The following PAX5 variants were observed in gnomAD, a reference collection of about 807,000 sequenced individuals.
PAX5 encodes the protein paired box 5.
A neutral mutation model predicts 43.7 loss-of-function variants in PAX5; 9 were observed. The ratio of observed to expected loss-of-function variants is 0.21; its 90% confidence interval spans 0.12 to 0.36. The LOEUF is 0.36. Ranked by LOEUF, PAX5 falls within the 10% of genes least tolerant of loss-of-function variation. The probability of loss-of-function intolerance (pLI) is 1.00; values close to 1 mark genes in which losing one functional copy is unlikely to be tolerated. For synonymous variants in PAX5, 228 were observed against 214.3 expected (o/e 1.06, Z -0.56); for missense variants, 383 against 532.7 (o/e 0.72, Z 2.77).
chr9:36,940,492 T>C (rs535907608), intron 6 of PAX5, among the ~76,000 whole-genome samples: 16 of 152,220 alleles, frequency 1.1e-4, no homozygotes, highest in East Asian at 9.7e-4. Flanking sequence ...TGTGGCGCAG[T>C]GAGGCGCGGT....
intron 8 of PAX5, among the ~76,000 whole-genome samples, chr9:36,879,968 C>T (rs1826258372): frequency 6.6e-6 from 1 of 152,382 alleles, no homozygotes; most frequent in Admixed American, 6.5e-5. Flanking sequence ...GCAGGCCTCC[C>T]TGGCATTGGC....
intron 7 of PAX5, among the ~76,000 whole-genome samples, chr9:36,908,769 G>A (rs947948293): frequency 2.0e-5 from 3 of 152,170 alleles, no homozygotes; most frequent in Admixed American, 2.0e-4. Flanking sequence ...CTTTGGAAGG[G>A]TCGGCTCCCA....
chr9:36,889,949 G>A (rs949383353), intron 7 of PAX5, among the ~76,000 whole-genome samples: 6 of 142,408 alleles, frequency 4.2e-5, no homozygotes, highest in South Asian at 2.4e-4. Context: ...AACGGGGGGG[G>A]GGGGAATGTG....
intron 8 of PAX5, among the ~76,000 whole-genome samples, chr9:36,849,753 C>T (rs1453952508): frequency 1.3e-5 from 2 of 152,216 alleles, no homozygotes; most frequent in Non-Finnish European, 2.9e-5. Flanking sequence ...GCCTGGTGTG[C>T]TAAGAGTGGT....
At chr9:36,909,151 G>T (rs1829050349) in intron 7 of PAX5, among the ~76,000 whole-genome samples, 1 of 152,122 alleles carries the variant, frequency 6.6e-6, no homozygotes, top group South Asian at 2.1e-4. Context: ...CTATAATTGT[G>T]AGTCTATTTA....
chr9:36,889,383 G>C (rs1362838767), intron 7 of PAX5, among the ~76,000 whole-genome samples: 2 of 152,070 alleles, frequency 1.3e-5, no homozygotes, highest in African/African-American at 4.8e-5. Flanking sequence ...CTGTATGCCA[G>C]ACAAGGCTCT....
chr9:37,002,208 CCCCTCCG>C (rs1482728165), intron 5 of PAX5, among the ~76,000 whole-genome samples: 1 of 152,216 alleles, frequency 6.6e-6, no homozygotes, highest in Non-Finnish European at 1.5e-5. Context: ...AGAGAACCCA[CCCCTCCG>C]CCCTCCGCAC....
intron 6 of PAX5, among the ~76,000 whole-genome samples, chr9:36,964,592 CACAAA>C (rs746714879): frequency 3.3e-5 from 3 of 91,648 alleles, no homozygotes; most frequent in African/African-American, 5.0e-5. Context: ...AACTCCAGCT[CACAAA>C]AAAAAAAAAA....
rs182209605 is a variant in PAX5 at position 36,959,224 on chromosome 9, G to A, written c.780+7325C>T. 2.2e-3 allele frequency among the ~76,000 whole-genome samples: 328 copies of A among 152,224 alleles called. 2 individuals are homozygous for A. Among genetic ancestry groups the A allele is most frequent in the African/African-American group, 7.5e-3 (310 of 41,534 alleles). On this transcript the variant is annotated intron_variant, in intron 6 of 9. Transcript: ENST00000358127. ...TCTTATCTTAGAATCATTCTTTCAG[G>A]TTGGAAAGGCATTGGCATTTAGATA...
rs1410450591 is a variant in PAX5 at position 36,972,856 on chromosome 9, C to T, written c.605-6132G>A. On this transcript the variant is annotated intron_variant, in intron 5 of 9. Coordinates refer to ENST00000358127, the MANE Select transcript of PAX5 (RefSeq NM_016734.3). ...CAGCCTGGCCAACATGGTGAAACCCCGTCTCTACTAAAAATAGAAAAATTA... is the reference window on the plus strand; with the variant it reads ...CAGCCTGGCCAACATGGTGAAACCCTGTCTCTACTAAAAATAGAAAAATTA... Among the ~76,000 whole-genome samples the T allele has an allele frequency of 9.2e-5, 14 of 151,758 alleles. 1 individual carries two copies. Among genetic ancestry groups the T allele is most frequent in the Admixed American group, 7.9e-4 (12 of 15,216 alleles).
intron 5 of PAX5, among the ~76,000 whole-genome samples, chr9:36,971,289 G>A (rs1348432354): frequency 2.6e-5 from 4 of 152,214 alleles, no homozygotes; most frequent in African/African-American, 4.8e-5. Context: ...CTCTGGTGTC[G>A]CACACAGTGG....
Position 36,840,305 on chromosome 9 carries a change from TG to T in PAX5, c.*254del. 3.4e-6 allele frequency: 2 copies of T among 592,966 alleles called. No homozygotes were observed. Among genetic ancestry groups the T allele is most frequent in the Non-Finnish European group, 6.0e-6 (2 of 333,064 alleles). The allele number at this position is 592,966 out of a possible 1,614,324, so 36.7% of individuals were successfully genotyped here. A position where few individuals can be genotyped will look rare whatever the true frequency, so the allele number is the denominator to read the frequency against. ...TGCGGTTATTTGCAGGACAGTCTAT[TG>T]GTTTGCAGAGACCCAGTGGCCATCG... On this transcript the variant is annotated 3_prime_UTR_variant, in exon 10 of 10. Coordinates refer to ENST00000358127, the MANE Select transcript of PAX5 (RefSeq NM_016734.3).
In PAX5 at chr9:36,838,196, G is replaced by A; in HGVS notation, c.*2364C>T. 1 of 233,418 alleles carries A rather than the reference G, an allele frequency of 4.3e-6. No individual in the cohort carries two copies. The highest frequency in any genetic ancestry group is 6.0e-5 in the East Asian group (1 of 16,570). The allele number at this position is 233,418 out of a possible 1,614,324, so 14.5% of individuals were successfully genotyped here. On this transcript the variant is annotated 3_prime_UTR_variant, in exon 10 of 10. Coordinates refer to ENST00000358127, the MANE Select transcript of PAX5 (RefSeq NM_016734.3). ...GCCCCGCAGGTTCTGGGTGGGGGCGGGGGTGCATGTGCCTGCTGTGAGCTC... is the reference window on the plus strand; with the variant it reads ...GCCCCGCAGGTTCTGGGTGGGGGCGAGGGTGCATGTGCCTGCTGTGAGCTC...
At chr9:36,877,075 G>A (rs1825977884) in intron 8 of PAX5, among the ~76,000 whole-genome samples, 1 of 152,230 alleles carries the variant, frequency 6.6e-6, no homozygotes, top group South Asian at 2.1e-4. Flanking sequence ...AGTGGCTCAT[G>A]CCTGTAATCC....
At chr9:36,853,961 A>G (rs577105862) in intron 8 of PAX5, among the ~76,000 whole-genome samples, 1 of 152,348 alleles carries the variant, frequency 6.6e-6, no homozygotes, top group South Asian at 2.1e-4. Flanking sequence ...TGCAGAGCGC[A>G]CTGGGGGCCG....
chr9:36,983,252 T>C (rs576854493), intron 5 of PAX5, among the ~76,000 whole-genome samples: 2 of 152,330 alleles, frequency 1.3e-5, no homozygotes, highest in Non-Finnish European at 2.9e-5. Context: ...TATCAGGACA[T>C]GTTCATAATT....
chr9:37,019,208 T>C (rs886565700), intron 2 of PAX5, among the ~76,000 whole-genome samples: 1 of 152,204 alleles, frequency 6.6e-6, no homozygotes, highest in African/African-American at 2.4e-5. Flanking sequence ...CTTTTCTCTT[T>C]GTCTTCTTTT....
At chr9:36,930,745 T>C (rs1445915064) in intron 6 of PAX5, 2 of 801,154 alleles carry the variant, frequency 2.5e-6, no homozygotes, top group Non-Finnish European at 3.5e-6. Flanking sequence ...TCGACGATCA[T>C]GAGAATCTGA....
intron 8 of PAX5, among the ~76,000 whole-genome samples, chr9:36,880,100 A>G (rs540651349): frequency 7.2e-5 from 11 of 152,388 alleles, no homozygotes; most frequent in Middle Eastern, 3.4e-3. Flanking sequence ...TGTTAAATAC[A>G]TCTTCGAAAC....
Sources: allele counts gnomAD v4.1 joint callset (sites outside exome capture counted in the v4.1 genomes callset), GRCh38; gene constraint gnomAD v4.1.1; transcripts MANE v1.5; gene names NCBI Gene and HGNC (gene_info 2026-07-23, HGNC 2026-07-21).